Variants in HPS1 observed in about 807,000 individuals in gnomAD.
The protein encoded by HPS1 is BLOC-3 complex member HPS1.
Under a neutral mutation model 90.6 loss-of-function variants are expected in HPS1, and 59 were observed. That is an observed-to-expected ratio of 0.65 (90% CI 0.53 to 0.81). HPS1 has a LOEUF of 0.81. Among genes scored for constraint, HPS1 ranks in the 30% least tolerant of loss-of-function variants. The pLI, the probability that HPS1 is intolerant of heterozygous loss-of-function variation, is 0.00. For synonymous variants in HPS1, 388 were observed against 384.4 expected (o/e 1.01, Z -0.11); for missense variants, 849 against 896.7 (o/e 0.95, Z 0.68).
chr10:98,428,000 A>AT (rs575604542), intron 10 of HPS1, among the ~76,000 whole-genome samples: 5 of 152,206 alleles, frequency 3.3e-5, no homozygotes, highest in Non-Finnish European at 7.3e-5. Context: ...TAAGGCATAA[A>AT]AAACCACTAT....
At position 98,430,674 on chromosome 10, in the gene HPS1, C is replaced by A. The variant is rs912756472; in HGVS notation, c.669-4G>T. On this transcript the variant is annotated splice_region_variant and splice_polypyrimidine_tract_variant and intron_variant, in intron 7 of 19. Transcript: ENST00000361490. ...GCGCAGGGAGCTGGCACTGTGGCTG[C>A]AGACACAGGAGCATGGCCACCCATC... The A allele has an allele frequency of 2.6e-6, 4 of 1,550,966 alleles. No homozygotes were observed. The highest frequency in any genetic ancestry group is 3.5e-6 in the Non-Finnish European group (4 of 1,147,170).
At chr10:98,414,927 C>G, downstream of HPS1, 23 of 1,503,580 alleles carry the variant, frequency 1.5e-5, no homozygotes, top group Non-Finnish European at 2.0e-5. Context: ...GGGCTTGGCT[C>G]CCCCTCCCCC....
At chr10:98,431,985 A>AT (rs1336551918) in intron 6 of HPS1, among the ~76,000 whole-genome samples, 2 of 152,228 alleles carry the variant, frequency 1.3e-5, no homozygotes, top group African/African-American at 4.8e-5. Flanking sequence ...CATGCATAGC[A>AT]TAACTCAATT....
rs183201898 is a variant in HPS1 at position 98,445,592 on chromosome 10, G to A, written c.-105-188C>T. Among the ~76,000 whole-genome samples the A allele has an allele frequency of 6.5e-4, 99 of 152,276 alleles. No homozygotes were observed. Among genetic ancestry groups the A allele is most frequent in the African/African-American group, 1.5e-3 (64 of 41,544 alleles). On this transcript the variant is annotated intron_variant, in intron 1 of 19. Transcript: ENST00000361490. This position sits in a 1 kb window ranked among gnomAD's most constrained non-coding sequence, Gnocchi z 4.5. ...CTCCCATAATGGAGAATAGGAACCC[G>A]GCCAGCACAGCCCTTTGCACAGAGC...
intron 18 of HPS1, among the ~76,000 whole-genome samples, chr10:98,419,539 T>C (rs1844579057): frequency 6.6e-6 from 1 of 152,040 alleles, no homozygotes; most frequent in Non-Finnish European, 1.5e-5. Flanking sequence ...GACCCTACTC[T>C]GCAGTAACAG....
Position 98,429,921 on chromosome 10 carries a change from C to G in HPS1, c.769-32G>C, listed in dbSNP as rs771475909. On this transcript the variant is annotated intron_variant, in intron 8 of 19. Transcript: ENST00000361490. Reference sequence around the variant, plus strand: ...AGGGCAGGGGAGAGGCTGGTTAGCTCCTATCTGACCTGGCTCCCTCCACCC... The same window carrying G: ...AGGGCAGGGGAGAGGCTGGTTAGCTGCTATCTGACCTGGCTCCCTCCACCC... 15 of 1,581,442 alleles carry G rather than the reference C, an allele frequency of 9.5e-6. 1 individual carries two copies. The Middle Eastern group carries it at 2.0e-3, about 214-fold the overall frequency.
chr10:98,423,249 C>T (rs554674051), intron 16 of HPS1, among the ~76,000 whole-genome samples: 2 of 151,662 alleles, frequency 1.3e-5, no homozygotes, highest in African/African-American at 4.9e-5. Flanking sequence ...AGAAGGACAA[C>T]GGCCCTTTCA....
At chr10:98,427,287 T>G in intron 10 of HPS1, 23 bp from the exon 11 acceptor site, 1 of 1,545,594 alleles carries the variant, frequency 6.5e-7, no homozygotes, top group East Asian at 2.4e-5. Flanking sequence ...GGTAATAACA[T>G]AACGATGTAA....
At chr10:98,427,349 T>A in intron 10 of HPS1, 85 bp from the exon 11 acceptor site, 1 of 1,182,544 alleles carries the variant, frequency 8.5e-7, no homozygotes, top group Non-Finnish European at 1.2e-6. Flanking sequence ...GGGGCCCAGG[T>A]GCCCCCCACA....
intron 3 of HPS1, chr10:98,442,918 G>T: frequency 3.2e-6 from 2 of 619,118 alleles, no homozygotes; most frequent in Non-Finnish European, 5.9e-6. Context: ...GGTGGGGTGT[G>T]GGGGTGGGGT....
intron 2 of HPS1, among the ~76,000 whole-genome samples, 160 bp from the exon 3 acceptor site, chr10:98,443,400 T>C (rs535075936): frequency 4.6e-5 from 7 of 152,252 alleles, no homozygotes; most frequent in African/African-American, 1.7e-4. Context: ...CCCTCACAAC[T>C]GGACAAAGTA....
intron 16 of HPS1, among the ~76,000 whole-genome samples, chr10:98,423,285 C>CTA (rs1554887507): frequency 3.3e-5 from 5 of 150,326 alleles, no homozygotes; most frequent in Non-Finnish European, 7.4e-5. Context: ...AGGAACCCCC[C>CTA]CCCCGGTCCC....
intron 18 of HPS1, 59 bp from the exon 19 acceptor site, chr10:98,418,316 AC>A: frequency 1.0e-6 from 1 of 966,576 alleles, no homozygotes; most frequent in Non-Finnish European, 1.6e-6. Context: ...CCTGAGTCAG[AC>A]GCACCGGGCT....
intron 10 of HPS1, among the ~76,000 whole-genome samples, chr10:98,428,288 G>A (rs1430458931): frequency 6.6e-6 from 1 of 152,178 alleles, no homozygotes; most frequent in Non-Finnish European, 1.5e-5. Flanking sequence ...ATCATTTGGG[G>A]ACTTTTACAA....
chr10:98,443,422 G>C (rs1938816315), intron 2 of HPS1, among the ~76,000 whole-genome samples, 182 bp from the exon 3 acceptor site: 1 of 152,120 alleles, frequency 6.6e-6, no homozygotes. Context: ...AACTCTTCAG[G>C]TACCCCCATT....
intron 10 of HPS1, chr10:98,429,279 T>C: frequency 7.8e-7 from 1 of 1,275,242 alleles, no homozygotes; most frequent in African/African-American, 1.5e-5. Flanking sequence ...TAATTTTTAA[T>C]TTTAATTACA....
rs766838498 is a variant in HPS1, at chr10:98,439,386, G to C, written c.118-3614C>G. 1.2e-4 allele frequency among the ~76,000 whole-genome samples: 18 copies of C among 152,132 alleles called. 1 individual carries two copies. Among genetic ancestry groups the C allele is most frequent in the Non-Finnish European group, 2.4e-4 (16 of 68,036 alleles). On this transcript the variant is annotated intron_variant, in intron 3 of 19. Coordinates refer to ENST00000361490, the MANE Select transcript of HPS1 (RefSeq NM_000195.5). ...AGGACTGTGCCCTGCAGAAGCACAG[G>C]GGTAGGGCTGCCCAAGGCCTTGGGA... is the stretch of plus-strand genomic sequence containing the variant.
In HPS1 at chr10:98,417,526, G is replaced by C; in HGVS notation, c.*38C>G. 1 of 1,580,380 alleles carries C rather than the reference G, an allele frequency of 6.3e-7. No individual in the cohort carries two copies. Among genetic ancestry groups the C allele is most frequent in the Non-Finnish European group, 8.6e-7 (1 of 1,158,090 alleles). On this transcript the variant is annotated 3_prime_UTR_variant, in exon 20 of 20. Transcript: ENST00000361490. This position sits in a 1 kb window ranked among gnomAD's most constrained non-coding sequence, Gnocchi z 4.2. Reference sequence around the variant, plus strand: ...GAACAGTGGCAAGCAAGGGTGGCTGGAGGACAGGATGCAAAGGCAGACTGC... The same window carrying C: ...GAACAGTGGCAAGCAAGGGTGGCTGCAGGACAGGATGCAAAGGCAGACTGC...
At chr10:98,415,772 CA>C (rs3833718), downstream of HPS1, among the ~76,000 whole-genome samples, 54,826 of 152,056 alleles carry the variant, frequency 0.36, 11,064 homozygotes, top group African/African-American at 0.53. Context: ...TGCTCAAACA[CA>C]AACCCACAAC....
Sources: allele counts gnomAD v4.1 joint callset (sites outside exome capture counted in the v4.1 genomes callset), GRCh38; gene constraint gnomAD v4.1.1; non-coding constraint Gnocchi (gnomAD v3.1); transcripts MANE v1.5; gene names NCBI Gene and HGNC (gene_info 2026-07-23, HGNC 2026-07-21).